Variants in MGAT4C observed in about 807,000 individuals in gnomAD.
MGAT4C encodes the protein MGAT4 family member C.
MGAT4C carries 19 observed loss-of-function variants against 40.1 expected under a neutral mutation model. The observed-to-expected ratio is 0.47, with a 90% CI of 0.33 to 0.70. The LOEUF (loss-of-function observed/expected upper bound fraction) is 0.70, where lower values mean the gene tolerates loss of function less well. Ranked by LOEUF, MGAT4C falls within the 30% of genes least tolerant of loss-of-function variation. MGAT4C has a pLI of 0.02. For missense variants in MGAT4C, 491 were observed against 563.2 expected (o/e 0.87, Z 1.30); for synonymous variants, 181 against 187.1 (o/e 0.97, Z 0.27).
In MGAT4C at chr12:85,957,713, G is replaced by C. The variant is rs1390049808; in HGVS notation, c.*21576C>G. 3 of 148,382 alleles carry C rather than the reference G, an allele frequency of 2.0e-5. No individual in the cohort carries two copies. Among genetic ancestry groups the C allele is most frequent in the Non-Finnish European group, 4.5e-5 (3 of 67,078 alleles). 9.2% of individuals were successfully genotyped at this position (148,382 alleles called of 1,614,324 possible). A position where few individuals can be genotyped will look rare whatever the true frequency, so the allele number is the denominator to read the frequency against. The stretch of plus-strand genomic sequence containing the variant: ...AAAATCTATCAATCCTGAAAAGAGT[G>C]AATCTAGACAGATCATATGGTAAAA... On this transcript the variant is annotated 3_prime_UTR_variant, in exon 5 of 5. Transcript: ENST00000611864.
At chr12:86,375,201 T>C (rs1419426148) in intron 3 of MGAT4C, among the ~76,000 whole-genome samples, 1 of 152,144 alleles carries the variant, frequency 6.6e-6, no homozygotes, top group East Asian at 1.9e-4. Flanking sequence ...CAGTTTTGCA[T>C]CTTGAAAGAG....
At chr12:86,697,889 A>G (rs1950285210) in intron 2 of MGAT4C, among the ~76,000 whole-genome samples, 1 of 152,108 alleles carries the variant, frequency 6.6e-6, no homozygotes, top group East Asian at 1.9e-4. Context: ...ACTTTTCAGA[A>G]TTATCTTTCT....
chr12:86,621,833 C>A (rs1378202667), intron 2 of MGAT4C, among the ~76,000 whole-genome samples: 5 of 152,168 alleles, frequency 3.3e-5, no homozygotes, highest in Non-Finnish European at 7.3e-5. Flanking sequence ...AAGCCATATG[C>A]ATTTTAGAAA....
At position 86,490,316 on chromosome 12, in the gene MGAT4C, G is replaced by C. The variant is rs948876176; in HGVS notation, c.-228-55051C>G. ...TTTCAACCCAGAATTTCATATCCAG[G>C]CAAACTAAGCTTCATAAGTGAAGGA... On this transcript the variant is annotated intron_variant, in intron 2 of 7. Coordinates refer to the MGAT4C transcript ENST00000548651. Among the ~76,000 whole-genome samples, 613 of 151,766 alleles carry C rather than the reference G, an allele frequency of 4.0e-3. 3 individuals are homozygous for C. The highest frequency in any genetic ancestry group is 0.014 in the African/African-American group (581 of 41,396).
chr12:86,334,530 T>G (rs1954742499), intron 3 of MGAT4C, among the ~76,000 whole-genome samples: 1 of 152,126 alleles, frequency 6.6e-6, no homozygotes, highest in Non-Finnish European at 1.5e-5. Flanking sequence ...GTCCTATATA[T>G]GAGGTGATTC....
chr12:86,603,375 A>G (rs2136462724), intron 2 of MGAT4C, among the ~76,000 whole-genome samples: 1 of 131,182 alleles, frequency 7.6e-6, no homozygotes, highest in East Asian at 2.1e-4. Context: ...GCTATATACT[A>G]TATATACTAT....
intron 4 of MGAT4C, among the ~76,000 whole-genome samples, chr12:86,302,353 A>C (rs1037274827): frequency 1.3e-5 from 2 of 150,520 alleles, no homozygotes; most frequent in Admixed American, 1.3e-4. Flanking sequence ...ATTTGTAGGA[A>C]ATTGACAAGG....
intron 3 of MGAT4C, among the ~76,000 whole-genome samples, chr12:86,383,053 T>C (rs1955974346): frequency 1.3e-5 from 2 of 152,278 alleles, no homozygotes; most frequent in African/African-American, 4.8e-5. Flanking sequence ...GACCTCAGAA[T>C]GGTAGATCCA....
chr12:86,459,650 GC>G (rs1212970407), intron 2 of MGAT4C, among the ~76,000 whole-genome samples: 3 of 134,836 alleles, frequency 2.2e-5, no homozygotes, highest in Non-Finnish European at 4.8e-5. Context: ...GAGAAAAGAA[GC>G]CCCCCCAACC....
In MGAT4C at chr12:86,760,596, CG is replaced by C. The variant is rs1436641796; in HGVS notation, c.-261-33356del. Among the ~76,000 whole-genome samples the C allele has an allele frequency of 5.9e-5, 9 of 151,930 alleles. No individual in the cohort carries two copies. The East Asian group carries it at 1.7e-3, about 29-fold the overall frequency. ...TGCAATGAAACAGCTTTAGGGACAC[CG>C]GGCAAGAAAGGATAGTGATCCCAGA... On this transcript the variant is annotated intron_variant, in intron 1 of 7. Transcript: ENST00000548651.
At chr12:86,620,673 T>C (rs924774902) in intron 2 of MGAT4C, among the ~76,000 whole-genome samples, 5 of 152,154 alleles carry the variant, frequency 3.3e-5, no homozygotes, top group African/African-American at 1.2e-4. Flanking sequence ...AGTACATCCA[T>C]TGATATGATT....
chr12:86,272,966 GCAA>G (rs562873502), intron 4 of MGAT4C, among the ~76,000 whole-genome samples: 2 of 152,152 alleles, frequency 1.3e-5, no homozygotes, highest in South Asian at 4.2e-4. Context: ...ATCATAAACA[GCAA>G]CATAGCTCTT....
intron 1 of MGAT4C, among the ~76,000 whole-genome samples, chr12:86,793,925 T>C (rs932558126): frequency 2.0e-5 from 3 of 151,820 alleles, no homozygotes; most frequent in African/African-American, 4.8e-5. Context: ...ACATTACTAA[T>C]AAAAAATGTG....
chr12:86,771,231 A>G (rs1252129742), intron 1 of MGAT4C, among the ~76,000 whole-genome samples: 3 of 152,156 alleles, frequency 2.0e-5, no homozygotes, highest in South Asian at 2.1e-4. Flanking sequence ...ACAGAATTGT[A>G]CACAAATTTC....
At chr12:86,490,488 A>G (rs1958111195) in intron 2 of MGAT4C, among the ~76,000 whole-genome samples, 1 of 152,180 alleles carries the variant, frequency 6.6e-6, no homozygotes, top group Non-Finnish European at 1.5e-5. Flanking sequence ...TGTAAAGACC[A>G]TCGAGACTAG....
chr12:86,238,902 C>T (rs1363753643), intron 1 of MGAT4C, among the ~76,000 whole-genome samples: 1 of 151,890 alleles, frequency 6.6e-6, no homozygotes, highest in Non-Finnish European at 1.5e-5. Context: ...TTTTGGCTGT[C>T]TATCAGAATC....
In MGAT4C at chr12:86,624,655, A is replaced by T. The variant is rs534478295; in HGVS notation, c.-229+102554T>A. ...CAAAATAAATCCTGGACAGTGGAGGAAGAAGGGGAAGGGAGGAATCTTTAG... is the reference window on the plus strand; with the variant it reads ...CAAAATAAATCCTGGACAGTGGAGGTAGAAGGGGAAGGGAGGAATCTTTAG... On this transcript the variant is annotated intron_variant, in intron 2 of 7. Coordinates refer to the MGAT4C transcript ENST00000548651. Among the ~76,000 whole-genome samples, 37 of 152,212 alleles carry T rather than the reference A, an allele frequency of 2.4e-4. No homozygotes were observed. In the South Asian group the frequency reaches 7.7e-3, roughly 32 times the overall value.
rs182931722 is a variant in MGAT4C, at chr12:86,385,878, C to A, written c.-120+49279G>T. Reference sequence around the variant, plus strand: ...TGTGTCTTCTGTGCTCCCTCTCAATCTTATACAAATGTTACCATTATTCTT... The same window carrying A: ...TGTGTCTTCTGTGCTCCCTCTCAATATTATACAAATGTTACCATTATTCTT... On this transcript the variant is annotated intron_variant, in intron 3 of 7. Transcript: ENST00000548651. 7.7e-4 allele frequency among the ~76,000 whole-genome samples: 117 copies of A among 152,264 alleles called. 1 individual carries two copies. The highest frequency in any genetic ancestry group is 2.7e-3 in the African/African-American group (114 of 41,546).
chr12:86,379,678 C>CT lies in MGAT4C; in HGVS notation c.-119-45552dup, dbSNP rs577150412. 3.3e-5 allele frequency among the ~76,000 whole-genome samples: 5 copies of CT among 152,048 alleles called. No homozygotes were observed. The South Asian group carries it at 6.2e-4, about 19-fold the overall frequency. ...TAATTACATTCTATATAAAACAATA[C>CT]TTTTTTTAGAAAAAGTTTAATATAG... is the stretch of plus-strand genomic sequence containing the variant. On this transcript the variant is annotated intron_variant, in intron 3 of 7. Coordinates refer to the MGAT4C transcript ENST00000548651.
Sources: gnomAD v4.1 joint callset for allele counts (sites outside exome capture counted in the v4.1 genomes callset) on GRCh38, gnomAD v4.1.1 for gene constraint, MANE v1.5 for transcripts, NCBI Gene and HGNC (gene_info 2026-07-23, HGNC 2026-07-21) for gene names.